CSMD1: variants seen among roughly 807,000 people sequenced by gnomAD.
The protein encoded by CSMD1 is CUB and sushi domain-containing protein 1.
A neutral mutation model predicts 417.5 loss-of-function variants in CSMD1; 213 were observed. The ratio of observed to expected loss-of-function variants is 0.51; its 90% CI spans 0.46 to 0.57. The LOEUF is 0.57. CSMD1 is among the 20% of genes least tolerant of loss of function. CSMD1 has a pLI of 0.00. For synonymous variants in CSMD1, 2,862 were observed against 1,736.8 expected (o/e 1.65, Z -16.11); for missense variants, 6,923 against 4,529.7 (o/e 1.53, Z -15.17).
intron 29 of CSMD1, 81 bp from the exon 30 acceptor site, chr8:3,214,772 T>C: frequency 6.2e-6 from 7 of 1,131,476 alleles, no homozygotes; most frequent in Non-Finnish European, 7.5e-6. Flanking sequence ...GTTGGTTCTT[T>C]AATTGTGTTA....
At chr8:4,633,442 G>C (rs1802651773) in intron 2 of CSMD1, among the ~76,000 whole-genome samples, 1 of 151,880 alleles carries the variant, frequency 6.6e-6, no homozygotes, top group South Asian at 2.1e-4. Context: ...GTAGAGATGG[G>C]GTTTCACCGT....
chr8:4,774,967 C>T (rs1796774928), intron 1 of CSMD1, among the ~76,000 whole-genome samples: 2 of 152,128 alleles, frequency 1.3e-5, no homozygotes, highest in Admixed American at 1.3e-4. Context: ...AATTAAACCC[C>T]TTTTGTTTAC....
intron 2 of CSMD1, among the ~76,000 whole-genome samples, chr8:4,546,065 C>A (rs1197178905): frequency 6.6e-6 from 1 of 152,184 alleles, no homozygotes; most frequent in African/African-American, 2.4e-5. Context: ...TGCAAGTCAA[C>A]TTCATCAGAC....
chr8:3,171,315 A>G (rs925379130), intron 37 of CSMD1, among the ~76,000 whole-genome samples: 1 of 152,226 alleles, frequency 6.6e-6, no homozygotes, highest in Non-Finnish European at 1.5e-5. Context: ...CTGGTGACAG[A>G]AAGTGGGGGG....
At chr8:4,764,640 C>A (rs549684286) in intron 1 of CSMD1, among the ~76,000 whole-genome samples, 2 of 151,182 alleles carry the variant, frequency 1.3e-5, no homozygotes, top group African/African-American at 2.4e-5. Context: ...TTAGATAATT[C>A]TCTTTGGTGT....
intron 5 of CSMD1, among the ~76,000 whole-genome samples, chr8:3,861,485 T>C (rs1397860924): frequency 6.6e-6 from 1 of 152,172 alleles, no homozygotes; most frequent in African/African-American, 2.4e-5. Flanking sequence ...AGATTTGGAC[T>C]CGTGAGGGCT....
At chr8:4,853,264 G>T (rs1271895902) in intron 1 of CSMD1, among the ~76,000 whole-genome samples, 1 of 152,118 alleles carries the variant, frequency 6.6e-6, no homozygotes, top group Non-Finnish European at 1.5e-5. Context: ...CCCATGACAG[G>T]CCCAGAGGTC....
chr8:4,178,630 G>C (rs1798187556), intron 3 of CSMD1, among the ~76,000 whole-genome samples: 1 of 151,978 alleles, frequency 6.6e-6, no homozygotes, highest in Admixed American at 6.6e-5. Flanking sequence ...AGGAAAAGAG[G>C]AAGTCAAATT....
chr8:4,077,279 CTA>C (rs34522635), intron 3 of CSMD1, among the ~76,000 whole-genome samples: 13,214 of 94,694 alleles, frequency 0.14, 798 homozygotes, highest in Middle Eastern at 0.24. Context: ...CATTTGTCAC[CTA>C]TATATATATA....
chr8:4,321,596 G>C (rs1013686230), intron 3 of CSMD1, among the ~76,000 whole-genome samples: 1 of 152,042 alleles, frequency 6.6e-6, no homozygotes, highest in African/African-American at 2.4e-5. Context: ...GTATATAACA[G>C]GCACCAAATA....
At chr8:3,829,656 A>G (rs986861485) in intron 5 of CSMD1, among the ~76,000 whole-genome samples, 2 of 152,220 alleles carry the variant, frequency 1.3e-5, no homozygotes, top group Admixed American at 6.5e-5. Context: ...GAGATGTTCT[A>G]TGATGCAAAT....
intron 10 of CSMD1, among the ~76,000 whole-genome samples, chr8:3,558,780 A>T (rs1799337473): frequency 6.7e-6 from 1 of 150,266 alleles, no homozygotes; most frequent in Non-Finnish European, 1.5e-5. Context: ...CCCCGCGTCC[A>T]CTCCTCCAAT....
At chr8:3,398,385 A>G (rs1292582940) in intron 16 of CSMD1, among the ~76,000 whole-genome samples, 3 of 152,174 alleles carry the variant, frequency 2.0e-5, no homozygotes, top group Non-Finnish European at 4.4e-5. Flanking sequence ...AGATTGTGCT[A>G]TTGGGGATTA....
chr8:3,478,109 A>G (rs1563076392), intron 11 of CSMD1, among the ~76,000 whole-genome samples: 1 of 152,226 alleles, frequency 6.6e-6, no homozygotes. Flanking sequence ...ACTCATGCAC[A>G]CGCCTCACTC....
At chr8:4,750,958 G>GGAA (rs1384651787) in intron 1 of CSMD1, among the ~76,000 whole-genome samples, 2 of 152,162 alleles carry the variant, frequency 1.3e-5, no homozygotes, top group African/African-American at 2.4e-5. Context: ...AGCCATGTCT[G>GGAA]TATTGACACT....
chr8:3,761,936 T>G (rs1484097479), intron 5 of CSMD1, among the ~76,000 whole-genome samples: 2 of 152,156 alleles, frequency 1.3e-5, no homozygotes, highest in African/African-American at 4.8e-5. Flanking sequence ...GAGCACTCTC[T>G]GAGGCACCAT....
Position 3,181,202 on chromosome 8 carries a change from G to A in CSMD1, c.5633C>T (p.Pro1878Leu), listed in dbSNP as rs541928934. The change falls in exon 37 of 70, where the codon CCG becomes CTG. Residue 1878 changes from proline to leucine, a missense_variant. Transcript: ENST00000635120. ...RLGSFSGTTV[P>L]ALLNSTSNQL... is the part of the protein sequence containing the mutation. The stretch of plus-strand genomic sequence containing the variant: ...GTTGGAAGTACTGTTCAGCAGTGCC[G>A]GTACTGTGGTGCCTGTAAGAAACAA... 5.6e-6 allele frequency: 9 copies of A among 1,611,962 alleles called. No homozygotes were observed. Among genetic ancestry groups the A allele is most frequent in the South Asian group, 2.2e-5 (2 of 90,936 alleles).
chr8:4,169,245 C>T (rs1210031026), intron 3 of CSMD1, among the ~76,000 whole-genome samples: 1 of 152,148 alleles, frequency 6.6e-6, no homozygotes, highest in East Asian at 1.9e-4. Context: ...CTCAATACTG[C>T]ACACAGATGT....
intron 1 of CSMD1, among the ~76,000 whole-genome samples, chr8:4,881,181 C>T (rs1243437700): frequency 1.3e-5 from 2 of 152,038 alleles, no homozygotes; most frequent in Admixed American, 6.6e-5. Context: ...TAGCAGTTTC[C>T]TTTGTGTGCT....
Sources: gnomAD v4.1 joint callset for allele counts (sites outside exome capture counted in the v4.1 genomes callset) on GRCh38, gnomAD v4.1.1 for gene constraint, MANE v1.5 for transcripts, NCBI Gene and HGNC (gene_info 2026-07-23, HGNC 2026-07-21) for gene names.